ZNF385D: variants seen among roughly 807,000 people sequenced by gnomAD.
The protein encoded by ZNF385D is zinc finger protein 385D.
ZNF385D carries 15 observed loss-of-function variants against 35.8 expected under a neutral mutation model. That is an observed-to-expected ratio of 0.42 (90% CI 0.28 to 0.64). The LOEUF is 0.64. ZNF385D is among the 30% of genes least tolerant of loss of function. The probability of loss-of-function intolerance (pLI) is 0.23; values close to 1 mark genes in which losing one functional copy is unlikely to be tolerated. For missense variants in ZNF385D, 474 were observed against 494.6 expected (o/e 0.96, Z 0.39); for synonymous variants, 212 against 186.8 (o/e 1.13, Z -1.10).
intron 3 of ZNF385D, among the ~76,000 whole-genome samples, chr3:22,099,835 A>G (rs1701834134): frequency 1.3e-5 from 2 of 152,048 alleles, no homozygotes; most frequent in African/African-American, 4.8e-5. Context: ...TACTACTGTA[A>G]GAATGAACAG....
intron 2 of ZNF385D, among the ~76,000 whole-genome samples, chr3:22,328,218 C>A (rs1443034592): frequency 6.6e-6 from 1 of 151,904 alleles, no homozygotes. Context: ...TCCACCCTCC[C>A]CTCACTTCAT....
At chr3:21,567,417 T>G (rs1044464466) in intron 2 of ZNF385D, among the ~76,000 whole-genome samples, 1 of 152,116 alleles carries the variant, frequency 6.6e-6, no homozygotes, top group Non-Finnish European at 1.5e-5. Flanking sequence ...AAATTAACAA[T>G]GCACAGAGCT....
chr3:21,759,048 C>T (rs1396609060), intron 3 of ZNF385D, among the ~76,000 whole-genome samples: 1 of 133,514 alleles, frequency 7.5e-6, no homozygotes, highest in Non-Finnish European at 1.5e-5. Context: ...CTCGAATGTT[C>T]AAGTTACTTA....
chr3:22,130,562 C>A (rs886601524), intron 3 of ZNF385D, among the ~76,000 whole-genome samples: 4 of 152,170 alleles, frequency 2.6e-5, no homozygotes, highest in Non-Finnish European at 4.4e-5. Flanking sequence ...TTGCTTTCTG[C>A]TGTGACAGGG....
chr3:22,281,060 GCTA>G (rs990100198), intron 2 of ZNF385D, among the ~76,000 whole-genome samples: 2 of 151,902 alleles, frequency 1.3e-5, no homozygotes, highest in Non-Finnish European at 2.9e-5. Context: ...GTATAGTAGG[GCTA>G]CTGATTTCTG....
chr3:22,206,920 GA>G (rs1697196043), intron 2 of ZNF385D, among the ~76,000 whole-genome samples: 1 of 151,646 alleles, frequency 6.6e-6, no homozygotes, highest in African/African-American at 2.4e-5. Context: ...GATCAGCATA[GA>G]AATAAATGAA....
intron 3 of ZNF385D, among the ~76,000 whole-genome samples, chr3:21,773,759 G>C (rs1446280098): frequency 8.6e-6 from 1 of 116,938 alleles, no homozygotes; most frequent in African/African-American, 2.8e-5. Context: ...TTATTAAAAA[G>C]TCAAAAAAAA....
chr3:21,673,170 G>A (rs748808490), intron 1 of ZNF385D, among the ~76,000 whole-genome samples: 65 of 152,154 alleles, frequency 4.3e-4, no homozygotes, highest in African/African-American at 1.3e-3. Flanking sequence ...AATAAAAGAG[G>A]TATCATGCTG....
Position 21,946,868 on chromosome 3 carries a change from T to C in ZNF385D, c.325+221949A>G, listed in dbSNP as rs190711660. Among the ~76,000 whole-genome samples, 326 of 152,246 alleles carry C rather than the reference T, an allele frequency of 2.1e-3. 1 individual carries two copies. The highest frequency in any genetic ancestry group is 7.4e-3 in the African/African-American group (307 of 41,552). ...AATAAAAACATTAAAAAAATTACTT[T>C]CTCATTTTGAAGCATCTTCCACAAA... is the stretch of plus-strand genomic sequence containing the variant. On this transcript the variant is annotated intron_variant, in intron 3 of 5. Transcript: ENST00000494108.
At chr3:22,087,343 C>T (rs1002623541) in intron 3 of ZNF385D, among the ~76,000 whole-genome samples, 1 of 151,886 alleles carries the variant, frequency 6.6e-6, no homozygotes, top group South Asian at 2.1e-4. Flanking sequence ...AACACATGAA[C>T]ACTCAGAGAA....
intron 4 of ZNF385D, among the ~76,000 whole-genome samples, chr3:21,508,754 T>C (rs1706974140): frequency 6.6e-6 from 1 of 152,186 alleles, no homozygotes; most frequent in African/African-American, 2.4e-5. Context: ...ATAAAAATGA[T>C]ACTAAACTTC....
intron 3 of ZNF385D, among the ~76,000 whole-genome samples, chr3:21,865,121 A>G (rs1286832506): frequency 9.1e-6 from 1 of 110,216 alleles, no homozygotes; most frequent in Non-Finnish European, 1.7e-5. Flanking sequence ...TTCATGTGGT[A>G]TAATTTGGTT....
At chr3:21,884,195 T>C (rs1248509638) in intron 3 of ZNF385D, among the ~76,000 whole-genome samples, 1 of 152,052 alleles carries the variant, frequency 6.6e-6, no homozygotes, top group Non-Finnish European at 1.5e-5. Context: ...ATATTATAAA[T>C]GATAATTATA....
At chr3:21,724,263 C>G (rs113692029) in intron 1 of ZNF385D, among the ~76,000 whole-genome samples, 1 of 151,846 alleles carries the variant, frequency 6.6e-6, no homozygotes, top group Non-Finnish European at 1.5e-5. Context: ...AAATAACCAG[C>G]TAGCATCATA....
At chr3:22,048,412 G>T (rs1444758545) in intron 3 of ZNF385D, among the ~76,000 whole-genome samples, 5 of 152,042 alleles carry the variant, frequency 3.3e-5, no homozygotes, top group African/African-American at 1.2e-4. Context: ...CATTTGAGTT[G>T]ATTTTTCAAT....
chr3:22,045,272 G>T (rs1484959456), intron 3 of ZNF385D, among the ~76,000 whole-genome samples: 1 of 151,904 alleles, frequency 6.6e-6, no homozygotes, highest in African/African-American at 2.4e-5. Context: ...TTTTCAATGG[G>T]GTGCAATATA....
intron 2 of ZNF385D, among the ~76,000 whole-genome samples, chr3:22,302,928 T>C (rs554098329): frequency 6.6e-6 from 1 of 152,272 alleles, no homozygotes; most frequent in South Asian, 2.1e-4. Context: ...GGAGTTTTCA[T>C]CTGTTCTTAG....
chr3:21,710,608 T>G (rs1184738070), intron 1 of ZNF385D, among the ~76,000 whole-genome samples: 1 of 152,192 alleles, frequency 6.6e-6, no homozygotes, highest in Non-Finnish European at 1.5e-5. Flanking sequence ...GCTTTGATGC[T>G]CAGTTGTTTT....
At chr3:22,208,564 T>C (rs1158100753) in intron 2 of ZNF385D, among the ~76,000 whole-genome samples, 1 of 151,696 alleles carries the variant, frequency 6.6e-6, no homozygotes, top group Non-Finnish European at 1.5e-5. Context: ...AATAAAAGTA[T>C]ATAATTATAT....
Sources: gnomAD v4.1 joint callset for allele counts (sites outside exome capture counted in the v4.1 genomes callset) on GRCh38, gnomAD v4.1.1 for gene constraint, MANE v1.5 for transcripts, NCBI Gene and HGNC (gene_info 2026-07-23, HGNC 2026-07-21) for gene names.